Variants in N4BP2L2 observed in about 807,000 individuals in gnomAD.
N4BP2L2 encodes NEDD4-binding protein 2-like 2.
N4BP2L2 carries 50 observed loss-of-function variants against 56.2 expected under a neutral mutation model. The observed-to-expected ratio is 0.89, with a 90% CI of 0.71 to 1.13. The LOEUF is 1.13. Among genes scored for constraint, N4BP2L2 ranks in the 50% most tolerant of loss-of-function variants. N4BP2L2 has a pLI of 0.00. For missense variants in N4BP2L2, 689 were observed against 693.8 expected, an observed-to-expected ratio of 0.99 and a Z score of 0.08; for synonymous variants, 203 against 223.6, an observed-to-expected ratio of 0.91 and a Z score of 0.82.
chr13:32,458,427 A>G (rs1576710), intron 6 of N4BP2L2, among the ~76,000 whole-genome samples: 49,814 of 152,080 alleles, frequency 0.33, 10,140 homozygotes, highest in African/African-American at 0.56. Flanking sequence ...CTCCTGTAGA[A>G]ACACATACAG....
intron 6 of N4BP2L2, among the ~76,000 whole-genome samples, chr13:32,457,719 C>T (rs536991624): frequency 9.5e-4 from 144 of 152,214 alleles, no homozygotes; most frequent in African/African-American, 3.3e-3. Flanking sequence ...CTACAAGAAA[C>T]GTTAAAAGAA....
chr13:32,495,355 GC>G (rs1050439087), intron 6 of N4BP2L2, among the ~76,000 whole-genome samples: 6 of 152,228 alleles, frequency 3.9e-5, no homozygotes, highest in African/African-American at 1.4e-4. Context: ...ACCCTAAAGG[GC>G]CCATAGGTTC....
chr13:32,503,498 C>A (rs1177772164), intron 6 of N4BP2L2, among the ~76,000 whole-genome samples: 2 of 152,100 alleles, frequency 1.3e-5, no homozygotes, highest in Non-Finnish European at 1.5e-5. Context: ...CTTCATAAAG[C>A]TATATATTCA....
intron 4 of N4BP2L2, 45 bp from the exon 5 acceptor site, chr13:32,521,494 C>G: frequency 7.3e-7 from 1 of 1,361,644 alleles, no homozygotes; most frequent in African/African-American, 1.5e-5. Flanking sequence ...AGAAGTACTT[C>G]TTAAAGTAAA....
exon 7 of N4BP2L2, chr13:32,443,837 C>A: frequency 1.3e-6 from 2 of 1,578,002 alleles, no homozygotes; most frequent in Non-Finnish European, 8.6e-7. Flanking sequence ...TGGAAACTGT[C>A]TTTAGGATCT....
intron 6 of N4BP2L2, among the ~76,000 whole-genome samples, chr13:32,501,378 AGAG>A (rs2089968349): frequency 6.6e-6 from 1 of 152,132 alleles, no homozygotes; most frequent in Admixed American, 6.5e-5. Context: ...AAACCGAGAG[AGAG>A]GAGAAAAAGA....
At chr13:32,459,893 T>C (rs1271391022) in intron 6 of N4BP2L2, among the ~76,000 whole-genome samples, 2 of 152,110 alleles carry the variant, frequency 1.3e-5, no homozygotes, top group African/African-American at 2.4e-5. Flanking sequence ...TGGACACAGA[T>C]GCAAAAATCC....
At chr13:32,527,825 G>A (rs1312197735) in intron 2 of N4BP2L2, among the ~76,000 whole-genome samples, 1 of 149,350 alleles carries the variant, frequency 6.7e-6, no homozygotes, top group African/African-American at 2.5e-5. Flanking sequence ...AGGCTGGAGT[G>A]CAGTGGCACG....
chr13:32,504,252 T>C (rs1029410561), intron 6 of N4BP2L2, among the ~76,000 whole-genome samples: 2 of 152,196 alleles, frequency 1.3e-5, no homozygotes, highest in Non-Finnish European at 2.9e-5. Flanking sequence ...TTGCTAGGGT[T>C]CCCACAACAA....
At chr13:32,483,599 T>C (rs1273022498) in intron 6 of N4BP2L2, among the ~76,000 whole-genome samples, 2 of 152,364 alleles carry the variant, frequency 1.3e-5, no homozygotes, top group South Asian at 2.1e-4. Context: ...TCTTTATTTA[T>C]ACTTACTGTA....
Position 32,502,695 on chromosome 13 carries a change from G to T in N4BP2L2, c.365+15162C>A, listed in dbSNP as rs553064835. ...ATTCTGCAATTTCAAACTCTGTGTT[G>T]TACTAAATTAGCGGTTTCTGTCTCC... On this transcript the variant is annotated intron_variant, in intron 6 of 9. Transcript: ENST00000357505. Among the ~76,000 whole-genome samples the T allele has an allele frequency of 2.0e-5, 3 of 152,246 alleles. No homozygotes were observed. In the South Asian group the frequency reaches 6.2e-4, roughly 32 times the overall value.
exon 6 of N4BP2L2, chr13:32,514,162 T>C (rs1164770451): frequency 6.6e-6 from 1 of 152,082 alleles, no homozygotes; most frequent in Non-Finnish European, 1.5e-5. Flanking sequence ...AATCTTACTT[T>C]TAAAACAGAC....
chr13:32,507,271 T>A (rs1042280870), downstream of N4BP2L2: 1 of 152,100 alleles, frequency 6.6e-6, no homozygotes. Flanking sequence ...GCTTTTAAGC[T>A]TAGAAGTGGA....
At chr13:32,524,579 A>T (rs1186853503) in intron 3 of N4BP2L2, 1 of 152,212 alleles carries the variant, frequency 6.6e-6, no homozygotes, top group African/African-American at 2.4e-5. Flanking sequence ...ATTAATTTAG[A>T]TTATTTCAAT....
intron 6 of N4BP2L2, among the ~76,000 whole-genome samples, chr13:32,450,698 ACAGCTCACTGCAGCCTCTACCTC>A (rs150088874): frequency 0.057 from 8,631 of 151,356 alleles, 824 homozygotes; most frequent in African/African-American, 0.2. Context: ...TGATGTGATC[ACAGCTCACTGCAGCCTCTACCTC>A]CAGGGTTCAA....
Position 32,499,449 on chromosome 13 carries a change from G to GA in N4BP2L2, c.365+18407dup, listed in dbSNP as rs908506751. ...CAAGATACATCTTAAAAACTTAAGGGAAAAAAAAAGCATTCCTATATACAT... is the reference window on the plus strand; with the variant it reads ...CAAGATACATCTTAAAAACTTAAGGGAAAAAAAAAAGCATTCCTATATACAT... On this transcript the variant is annotated intron_variant, in intron 6 of 9. Transcript: ENST00000357505. 6.6e-5 allele frequency among the ~76,000 whole-genome samples: 10 copies of GA among 150,386 alleles called. No homozygotes were observed. In the South Asian group the frequency reaches 1.3e-3, roughly 19 times the overall value.
chr13:32,474,291 A>G (rs762238679), intron 6 of N4BP2L2, among the ~76,000 whole-genome samples: 14 of 151,880 alleles, frequency 9.2e-5, no homozygotes, highest in Non-Finnish European at 2.1e-4. Context: ...TATATTATAT[A>G]TATTAACTTC....
Position 32,517,650 on chromosome 13 carries a change from TAACAACTTGCTGGGAATTTA to T in N4BP2L2, c.*132_*151del, listed in dbSNP as rs1294485777. On this transcript the variant is annotated 3_prime_UTR_variant, in exon 6 of 6. Transcript: ENST00000267068. ...ATTTCATATATTTTTATTTACACTT[TAACAACTTGCTGGGAATTTA>T]AACAACTTGCTGGGAACATCCTTTG... 5.7e-6 allele frequency: 8 copies of T among 1,414,514 alleles called. No individual in the cohort carries two copies. In the African/African-American group the frequency reaches 1.0e-4, roughly 18 times the overall value. The allele number at this position is 1,414,514 out of a possible 1,614,324, so 87.6% of individuals were successfully genotyped here.
downstream of N4BP2L2, chr13:32,510,201 AAAGT>A (rs2091555677): frequency 6.6e-6 from 1 of 152,290 alleles, no homozygotes; most frequent in South Asian, 2.1e-4. Flanking sequence ...ACATAAAAGA[AAAGT>A]AAGTAAAACC....
Sources: allele counts gnomAD v4.1 joint callset (sites outside exome capture counted in the v4.1 genomes callset), GRCh38; gene constraint gnomAD v4.1.1; transcripts MANE v1.5; gene names NCBI Gene and HGNC (gene_info 2026-07-23, HGNC 2026-07-21).